ERBIN: variants seen among roughly 807,000 people sequenced by gnomAD.
ERBIN encodes the protein erbb2 interacting protein, also known as densin-180-like protein.
Under a neutral mutation model 158.4 loss-of-function variants are expected in ERBIN, and 60 were observed. That is an observed-to-expected ratio of 0.38 (90% CI 0.31 to 0.47). The LOEUF (loss-of-function observed/expected upper bound fraction) is 0.47. ERBIN is among the 20% of genes least tolerant of loss of function. The pLI is 0.99. For synonymous variants in ERBIN, 594 were observed against 557.2 expected (o/e 1.07, Z -0.93); for missense variants, 1,610 against 1,648.0 (o/e 0.98, Z 0.40).
chr5:66,011,682 C>T (rs1754218644), intron 4 of ERBIN, among the ~76,000 whole-genome samples: 1 of 152,038 alleles, frequency 6.6e-6, no homozygotes, highest in South Asian at 2.1e-4. Flanking sequence ...TCAAGACTCC[C>T]TCTTAAAAAC....
intron 5 of ERBIN, 28 bp from the exon 6 acceptor site, chr5:66,013,521 T>G (rs1428279747): frequency 2.1e-6 from 3 of 1,415,958 alleles, no homozygotes; most frequent in Admixed American, 3.4e-5. Context: ...TTACATGAAC[T>G]TAACTTAAAT....
intron 14 of ERBIN, among the ~76,000 whole-genome samples, chr5:66,033,481 G>C (rs1423331287): frequency 1.3e-5 from 2 of 152,176 alleles, no homozygotes; most frequent in Non-Finnish European, 2.9e-5. Flanking sequence ...GAAGAAGGAA[G>C]AGTTAAGACT....
rs1362740759 is a variant in ERBIN at position 66,013,588 on chromosome 5, G to A, written c.426G>A (p.Gln142=). The part of the protein sequence containing the change: ...DGFSQLLNLT[Q]LYLNDAFLEF... Reference sequence around the variant, plus strand: ...TTTCTCAGCTGTTAAACCTAACCCAGTTGTATCTGAATGATGCTTTTCTTG... The same window carrying A: ...TTTCTCAGCTGTTAAACCTAACCCAATTGTATCTGAATGATGCTTTTCTTG... The change falls in exon 6 of 26, where the codon CAG becomes CAA. Residue 142 remains glutamine, a synonymous_variant. Coordinates refer to ENST00000284037, the MANE Select transcript of ERBIN (RefSeq NM_001253697.2). 1.2e-6 allele frequency: 2 copies of A among 1,613,408 alleles called. No individual in the cohort carries two copies. The highest frequency in any genetic ancestry group is 1.7e-5 in the Admixed American group (1 of 59,964).
chr5:65,983,734 G>C (rs1580249959), intron 1 of ERBIN, among the ~76,000 whole-genome samples: 1 of 152,080 alleles, frequency 6.6e-6, no homozygotes, highest in African/African-American at 2.4e-5. Context: ...GCCTCCAGGC[G>C]ACCCCAGAGT....
intron 4 of ERBIN, among the ~76,000 whole-genome samples, chr5:66,007,989 G>A (rs1380094421): frequency 3.9e-5 from 6 of 152,254 alleles, no homozygotes; most frequent in African/African-American, 1.4e-4. Context: ...TTTCAAAACT[G>A]TTTGCTTAGG....
intron 1 of ERBIN, among the ~76,000 whole-genome samples, chr5:65,976,508 CTTTTCTT>C (rs1444789125): frequency 4.0e-5 from 6 of 149,486 alleles, no homozygotes; most frequent in South Asian, 4.2e-4. Flanking sequence ...AAAGCTATTT[CTTTTCTT>C]TTTTCTTTTT....
chr5:66,010,663 A>G (rs1318802388), intron 4 of ERBIN, among the ~76,000 whole-genome samples: 3 of 152,204 alleles, frequency 2.0e-5, no homozygotes, highest in African/African-American at 7.2e-5. Context: ...ACTTAAAATC[A>G]TGTAGTGATG....
In ERBIN at chr5:65,939,577, C is replaced by T. The variant is rs543447068; in HGVS notation, c.-58+12771C>T. The stretch of plus-strand genomic sequence containing the variant: ...CGGTCTCCCTCTCCCTCTCTTTCCA[C>T]GGTCTCCCACTGATGCCGAGCCGAA... On this transcript the variant is annotated intron_variant, in intron 1 of 25. Coordinates refer to ENST00000284037, the MANE Select transcript of ERBIN (RefSeq NM_001253697.2). 1.2e-4 allele frequency among the ~76,000 whole-genome samples: 18 copies of T among 152,280 alleles called. No homozygotes were observed. In the East Asian group the frequency reaches 1.7e-3, roughly 15 times the overall value.
intron 15 of ERBIN, among the ~76,000 whole-genome samples, chr5:66,040,842 AT>A (rs927028226): frequency 2.4e-4 from 29 of 118,874 alleles, no homozygotes; most frequent in African/African-American, 8.4e-4. Flanking sequence ...AGGTGGGAAG[AT>A]TAAAAAAAAA....
intron 4 of ERBIN, among the ~76,000 whole-genome samples, chr5:66,007,141 A>G (rs895306779): frequency 5.9e-5 from 9 of 152,172 alleles, no homozygotes; most frequent in Non-Finnish European, 1.2e-4. Context: ...AACCAACGCA[A>G]ATGTCCAACA....
intron 4 of ERBIN, among the ~76,000 whole-genome samples, chr5:66,002,437 A>G (rs960309726): frequency 4.6e-5 from 7 of 152,178 alleles, no homozygotes; most frequent in Admixed American, 6.5e-5. Flanking sequence ...CATTCTGTCA[A>G]AGTGGTTGAT....
Position 66,054,593 on chromosome 5 carries a change from G to A in ERBIN, c.3275G>A (p.Gly1092Asp). The A allele has an allele frequency of 6.2e-7, 1 of 1,614,078 alleles. No individual in the cohort carries two copies. The highest frequency in any genetic ancestry group is 8.5e-7 in the Non-Finnish European group (1 of 1,180,006). ...STASVNLGDP[G>D]STRRAQIPEG... ...GCCTCTGTAAATCTTGGTGATCCAG[G>A]CTCTACAAGGCGGGCTCAGATTCCT... The change falls in exon 21 of 26, where the codon GGC becomes GAC. Residue 1092 changes from glycine to aspartate, a missense_variant. Around this residue, in one of 2 missense-constraint regions of ERBIN, gnomAD observed 1,014 missense variants for 936.1 expected, o/e 1.08. Transcript: ENST00000284037.
chr5:66,015,465 T>C (rs1433878864), intron 7 of ERBIN, among the ~76,000 whole-genome samples: 1 of 152,178 alleles, frequency 6.6e-6, no homozygotes, highest in Non-Finnish European at 1.5e-5. Context: ...AGTGATAAAG[T>C]AGTTGTCACT....
intron 13 of ERBIN, 147 bp from the exon 14 acceptor site, chr5:66,028,126 AT>A: frequency 2.0e-6 from 1 of 501,532 alleles, no homozygotes. Context: ...TATACGAAGA[AT>A]TATATTGGAC....
At chr5:65,999,628 C>T (rs1270001408) in intron 4 of ERBIN, among the ~76,000 whole-genome samples, 1 of 152,162 alleles carries the variant, frequency 6.6e-6, no homozygotes, top group Non-Finnish European at 1.5e-5. Flanking sequence ...GTTGTTGTGT[C>T]TCTGGTCCTT....
At chr5:65,956,545 CTT>C (rs775550780) in intron 1 of ERBIN, among the ~76,000 whole-genome samples, 50 of 135,910 alleles carry the variant, frequency 3.7e-4, no homozygotes, top group Non-Finnish European at 3.4e-4. Flanking sequence ...AATTTTTTTA[CTT>C]TTTTTTTTTT....
chr5:65,967,095 G>C (rs1199465825), intron 1 of ERBIN, among the ~76,000 whole-genome samples: 1 of 152,054 alleles, frequency 6.6e-6, no homozygotes, highest in African/African-American at 2.4e-5. Flanking sequence ...AACATAGAGA[G>C]ATCCCATCTC....
chr5:65,940,563 G>T (rs1270981369), intron 1 of ERBIN, among the ~76,000 whole-genome samples: 1 of 138,676 alleles, frequency 7.2e-6, no homozygotes, highest in Admixed American at 6.8e-5. Flanking sequence ...TCCGGGAGGT[G>T]AGGGGCGCCT....
intron 19 of ERBIN, among the ~76,000 whole-genome samples, chr5:66,049,145 A>G (rs1758767625): frequency 6.6e-6 from 1 of 152,106 alleles, no homozygotes; most frequent in Non-Finnish European, 1.5e-5. Flanking sequence ...AATAGGCTAG[A>G]TAATGTATCT....
Sources: gnomAD v4.1 joint callset for allele counts (sites outside exome capture counted in the v4.1 genomes callset) on GRCh38, gnomAD v4.1.1 for gene constraint, gnomAD v4.1.1 regional missense constraint, MANE v1.5 for transcripts, NCBI Gene and HGNC (gene_info 2026-07-23, HGNC 2026-07-21) for gene names.